The following NRP1 variants were observed in gnomAD, a reference collection of about 807,000 sequenced individuals.
NRP1 encodes the protein neuropilin-1.
In NRP1, 35 loss-of-function variants were observed where a neutral mutation model predicts 106.7. The observed-to-expected ratio is 0.33, with a 90% CI of 0.25 to 0.43. The LOEUF (loss-of-function observed/expected upper bound fraction) is 0.43. Ranked by LOEUF, NRP1 falls within the 20% of genes least tolerant of loss-of-function variation. NRP1 has a pLI of 1.00. For missense variants in NRP1, 1,024 were observed against 1,170.4 expected (o/e 0.87, Z 1.83); for synonymous variants, 437 against 417.9 (o/e 1.05, Z -0.56).
chr10:33,270,978 T>C, intron 2 of NRP1, 122 bp from the exon 3 acceptor site: 2 of 726,814 alleles, frequency 2.8e-6, no homozygotes, highest in Admixed American at 3.3e-5. Flanking sequence ...TCTATCTGCA[T>C]TCATCACTGC....
chr10:33,248,299 G>A (rs553971437), intron 6 of NRP1, among the ~76,000 whole-genome samples: 64 of 152,264 alleles, frequency 4.2e-4, no homozygotes, highest in Middle Eastern at 3.4e-3. Flanking sequence ...CAAGAAAAAA[G>A]TGCTTTTATA....
intron 6 of NRP1, among the ~76,000 whole-genome samples, chr10:33,245,816 A>G (rs1835195589): frequency 2.6e-5 from 4 of 152,230 alleles, no homozygotes; most frequent in Admixed American, 6.5e-5. Context: ...TCTCTAGACC[A>G]TAACTATGAG....
At chr10:33,307,118 A>T (rs4934901) in intron 2 of NRP1, among the ~76,000 whole-genome samples, 30,505 of 152,156 alleles carry the variant, frequency 0.2, 3,183 homozygotes, top group African/African-American at 0.22. Flanking sequence ...CAAGACTATA[A>T]CTAGGATTCA....
intron 13 of NRP1, 56 bp from the exon 14 acceptor site, chr10:33,186,544 C>A: frequency 6.5e-7 from 1 of 1,543,696 alleles, no homozygotes; most frequent in South Asian, 1.2e-5. Flanking sequence ...ACACTTTTAT[C>A]TCTCTTCTTT....
intron 6 of NRP1, among the ~76,000 whole-genome samples, chr10:33,232,309 A>G (rs975482823): frequency 2.0e-5 from 3 of 152,118 alleles, no homozygotes; most frequent in African/African-American, 7.2e-5. Flanking sequence ...CCTCAACCCA[A>G]TCAGCTCTGC....
chr10:33,230,617 G>A (rs1456426574), intron 6 of NRP1, among the ~76,000 whole-genome samples: 2 of 147,630 alleles, frequency 1.4e-5, no homozygotes, highest in East Asian at 3.9e-4. Context: ...GTGTGTGTGT[G>A]TGTGTGTGTG....
rs912977785 is a variant in NRP1 at position 33,191,952 on chromosome 10, C to T, written c.2062+329G>A. 4.9e-4 allele frequency among the ~76,000 whole-genome samples: 67 copies of T among 135,484 alleles called. 1 individual carries two copies. Among genetic ancestry groups the T allele is most frequent in the Non-Finnish European group, 1.7e-4 (11 of 65,498 alleles). 88.9% of individuals were successfully genotyped at this position (135,484 alleles called of 152,430 possible). On this transcript the variant is annotated intron_variant, in intron 13 of 16. Transcript: ENST00000374867. ...GAGCTAGTGCCACTGCATTCCAGCCCGGGCAACAGTGTGAGACTCCATTTC... is the reference window on the plus strand; with the variant it reads ...GAGCTAGTGCCACTGCATTCCAGCCTGGGCAACAGTGTGAGACTCCATTTC...
At chr10:33,304,889 A>G (rs1846040720) in intron 2 of NRP1, among the ~76,000 whole-genome samples, 1 of 152,250 alleles carries the variant, frequency 6.6e-6, no homozygotes, top group Non-Finnish European at 1.5e-5. Flanking sequence ...ATATGTCTTG[A>G]GTCTAAGCAA....
At chr10:33,197,553 CCTT>C (rs1836872305) in intron 12 of NRP1, 94 bp downstream of exon 12, 1 of 898,210 alleles carries the variant, frequency 1.1e-6, no homozygotes, top group Non-Finnish European at 1.7e-6. Flanking sequence ...TGGCATCTCT[CCTT>C]CTAGGACTTT....
chr10:33,253,072 G>A (rs112520666), intron 6 of NRP1, among the ~76,000 whole-genome samples: 3,020 of 151,860 alleles, frequency 0.02, 51 homozygotes, highest in Middle Eastern at 0.048. Context: ...CGTAAGACAG[G>A]ATCTGACTAT....
intron 2 of NRP1, among the ~76,000 whole-genome samples, chr10:33,287,344 A>G (rs1457697790): frequency 1.3e-5 from 2 of 152,220 alleles, no homozygotes; most frequent in Non-Finnish European, 2.9e-5. Context: ...GCAATTTTCC[A>G]TACAAATGGT....
At chr10:33,183,719 C>T (rs1189938122) in intron 15 of NRP1, among the ~76,000 whole-genome samples, 1 of 152,160 alleles carries the variant, frequency 6.6e-6, no homozygotes, top group Non-Finnish European at 1.5e-5. Flanking sequence ...GATATTTGTT[C>T]TATGTATGAA....
At chr10:33,289,140 C>T (rs930929344) in intron 2 of NRP1, among the ~76,000 whole-genome samples, 1 of 152,192 alleles carries the variant, frequency 6.6e-6, no homozygotes, top group African/African-American at 2.4e-5. Context: ...TAGGAACTAG[C>T]TCTGGAAGAG....
At chr10:33,259,490 C>T (rs1842433130) in intron 4 of NRP1, among the ~76,000 whole-genome samples, 1 of 152,136 alleles carries the variant, frequency 6.6e-6, no homozygotes. Context: ...ATGAACACAG[C>T]TATTGGATTT....
intron 2 of NRP1, among the ~76,000 whole-genome samples, chr10:33,273,041 G>A (rs1055676508): frequency 7.6e-6 from 1 of 131,124 alleles, no homozygotes; most frequent in Non-Finnish European, 1.5e-5. Flanking sequence ...AATACTAGGC[G>A]CTCCTCTTGG....
intron 7 of NRP1, 131 bp downstream of exon 7, chr10:33,226,003 T>C: frequency 1.0e-6 from 1 of 994,102 alleles, no homozygotes; most frequent in Non-Finnish European, 1.5e-6. Flanking sequence ...TTTAAACCTC[T>C]AATTGCACTT....
At chr10:33,214,143 G>A (rs1838560043) in intron 8 of NRP1, among the ~76,000 whole-genome samples, 1 of 152,160 alleles carries the variant, frequency 6.6e-6, no homozygotes, top group Admixed American at 6.5e-5. Flanking sequence ...AGACAGTGAT[G>A]CAGAGGTAAA....
intron 6 of NRP1, chr10:33,249,475 C>T (rs1304622224): frequency 3.8e-6 from 2 of 529,724 alleles, no homozygotes; most frequent in Admixed American, 2.0e-5. Flanking sequence ...AGCTTAATGG[C>T]CTGGGTTCTA....
intron 7 of NRP1, among the ~76,000 whole-genome samples, chr10:33,224,588 C>T (rs1478588146): frequency 2.0e-5 from 3 of 150,562 alleles, no homozygotes; most frequent in Non-Finnish European, 4.4e-5. Flanking sequence ...TTCAGGGTAC[C>T]TGTGCAGGAT....
Sources: allele counts gnomAD v4.1 joint callset (sites outside exome capture counted in the v4.1 genomes callset), GRCh38; gene constraint gnomAD v4.1.1; transcripts MANE v1.5; gene names NCBI Gene and HGNC (gene_info 2026-07-23, HGNC 2026-07-21).